Variants in SHISA9 observed in about 807,000 individuals in gnomAD.
The protein encoded by SHISA9 is shisa family member 9.
SHISA9 carries 13 observed loss-of-function variants against 38.0 expected under a neutral mutation model. The observed-to-expected ratio is 0.34, with a 90% CI of 0.22 to 0.54. The LOEUF (loss-of-function observed/expected upper bound fraction) is 0.54, where lower values mean the gene tolerates loss of function less well. Among genes scored for constraint, SHISA9 ranks in the 20% least tolerant of loss-of-function variants. The pLI is 0.91. For missense variants in SHISA9, 538 were observed against 575.8 expected, an observed-to-expected ratio of 0.93 and a Z score of 0.67; for synonymous variants, 275 against 242.0, an observed-to-expected ratio of 1.14 and a Z score of -1.27.
chr16:13,299,699 T>A, the SHISA9 span, among the ~76,000 whole-genome samples: 102 of 139,658 alleles, frequency 7.3e-4, 2 homozygotes, highest in Non-Finnish European at 1.5e-4. Flanking sequence ...GGCGACAGAG[T>A]GAGCCTCTGT....
At chr16:13,151,732 C>G (rs1254983948) in intron 2 of SHISA9, among the ~76,000 whole-genome samples, 1 of 152,160 alleles carries the variant, frequency 6.6e-6, no homozygotes, top group Non-Finnish European at 1.5e-5. Flanking sequence ...ACAGATTTCC[C>G]TGATGATCAT....
chr16:13,130,734 T>C lies in SHISA9; in HGVS notation c.692-72660T>C, dbSNP rs1433649380. Among the ~76,000 whole-genome samples the C allele has an allele frequency of 3.3e-5, 5 of 152,312 alleles. No homozygotes were observed. The South Asian group carries it at 8.3e-4, about 25-fold the overall frequency. On this transcript the variant is annotated intron_variant, in intron 2 of 4. Coordinates refer to ENST00000558583, the MANE Select transcript of SHISA9 (RefSeq NM_001145204.3). ...ATTTTAGACTTTGTGTACCATGCAA[T>C]CTCTGTTCAACCCCTCAACCCTGCC...
intron 2 of SHISA9, among the ~76,000 whole-genome samples, chr16:13,193,708 G>A (rs1423945863): frequency 6.6e-6 from 1 of 152,166 alleles, no homozygotes; most frequent in African/African-American, 2.4e-5. Context: ...ATCTGCTTAG[G>A]AGAGAAAGGA....
chr16:13,005,586 C>T (rs1196919263), intron 2 of SHISA9, among the ~76,000 whole-genome samples: 2 of 152,160 alleles, frequency 1.3e-5, no homozygotes, highest in Non-Finnish European at 2.9e-5. Flanking sequence ...CTTACTGGTT[C>T]CCATGAGGGT....
chr16:13,118,761 C>T (rs367675693), intron 2 of SHISA9, among the ~76,000 whole-genome samples: 46 of 136,654 alleles, frequency 3.4e-4, no homozygotes, highest in Non-Finnish European at 6.6e-4. Flanking sequence ...CAGAGTTTCA[C>T]TCTTTTTGCC....
the SHISA9 span, among the ~76,000 whole-genome samples, chr16:13,431,511 A>T: frequency 6.6e-6 from 1 of 152,242 alleles, no homozygotes; most frequent in African/African-American, 2.4e-5. Context: ...TCAAAACAAC[A>T]GCTTGAAGCA....
At chr16:13,091,297 G>A (rs1181694744) in intron 2 of SHISA9, among the ~76,000 whole-genome samples, 4 of 152,166 alleles carry the variant, frequency 2.6e-5, no homozygotes, top group Admixed American at 6.5e-5. Flanking sequence ...TCTTCTCGAC[G>A]AGTATCTTTG....
intron 2 of SHISA9, among the ~76,000 whole-genome samples, chr16:12,932,430 C>T (rs1164447493): frequency 2.0e-5 from 3 of 152,170 alleles, no homozygotes; most frequent in Admixed American, 6.5e-5. Flanking sequence ...CAACCTCTGC[C>T]TCCCAGGTTC....
chr16:12,993,831 G>A (rs2072421571), intron 2 of SHISA9, among the ~76,000 whole-genome samples: 1 of 152,176 alleles, frequency 6.6e-6, no homozygotes, highest in African/African-American at 2.4e-5. Flanking sequence ...ATAGGAGGAA[G>A]CCCAGGTAGC....
At chr16:13,230,432 G>A (rs1003352472) in intron 4 of SHISA9, among the ~76,000 whole-genome samples, 1 of 152,334 alleles carries the variant, frequency 6.6e-6, no homozygotes, top group African/African-American at 2.4e-5. Context: ...TGGCTGGAAG[G>A]ACTTGTTGGT....
intron 2 of SHISA9, among the ~76,000 whole-genome samples, chr16:13,006,745 A>G (rs2072602728): frequency 6.6e-6 from 1 of 152,200 alleles, no homozygotes; most frequent in African/African-American, 2.4e-5. Context: ...GACATCCGTC[A>G]CTGATTCTGT....
the SHISA9 span, among the ~76,000 whole-genome samples, chr16:13,422,975 A>C: frequency 6.6e-6 from 1 of 152,240 alleles, no homozygotes; most frequent in Non-Finnish European, 1.5e-5. Context: ...CTGGACTCAA[A>C]GTTACAGAAC....
At chr16:13,546,920 T>C in the SHISA9 span, among the ~76,000 whole-genome samples, 3 of 152,194 alleles carry the variant, frequency 2.0e-5, no homozygotes, top group Admixed American at 6.5e-5. Context: ...GTCTGGCTCA[T>C]CCATGCAACT....
chr16:13,509,350 C>T, the SHISA9 span, among the ~76,000 whole-genome samples: 2 of 152,060 alleles, frequency 1.3e-5, no homozygotes, highest in African/African-American at 4.8e-5. Flanking sequence ...CTGGTTAGAG[C>T]CAGAACTCTG....
chr16:13,419,582 A>G, the SHISA9 span, among the ~76,000 whole-genome samples: 1 of 152,234 alleles, frequency 6.6e-6, no homozygotes, highest in African/African-American at 2.4e-5. Context: ...TGGTTATAAG[A>G]GAGGATTAAA....
the SHISA9 span, among the ~76,000 whole-genome samples, chr16:13,549,890 G>A: frequency 2.0e-5 from 3 of 152,020 alleles, no homozygotes; most frequent in African/African-American, 4.8e-5. Context: ...GGGCATGGTC[G>A]TAAGCGCCTG....
the SHISA9 span, among the ~76,000 whole-genome samples, chr16:13,370,026 C>T: frequency 2.6e-5 from 4 of 152,010 alleles, no homozygotes; most frequent in African/African-American, 9.7e-5. Context: ...ACAATTCATA[C>T]ATGCAACCAA....
At chr16:13,152,141 C>T (rs1432357126) in intron 2 of SHISA9, among the ~76,000 whole-genome samples, 1 of 152,108 alleles carries the variant, frequency 6.6e-6, no homozygotes, top group African/African-American at 2.4e-5. Flanking sequence ...GGGGCTAGTT[C>T]CAACAATGGA....
intron 2 of SHISA9, among the ~76,000 whole-genome samples, chr16:13,167,783 C>T (rs2050650891): frequency 6.6e-6 from 1 of 152,186 alleles, no homozygotes; most frequent in South Asian, 2.1e-4. Context: ...TCTTCCTGTA[C>T]AGCCTGTGGA....
Sources: allele counts gnomAD v4.1 joint callset (sites outside exome capture counted in the v4.1 genomes callset), GRCh38; gene constraint gnomAD v4.1.1; transcripts MANE v1.5; gene names NCBI Gene and HGNC (gene_info 2026-07-23, HGNC 2026-07-21).